The following CCDC148 variants were observed in gnomAD, a reference collection of about 807,000 sequenced individuals.
CCDC148 encodes coiled-coil domain-containing protein 148.
In CCDC148, 89 loss-of-function variants were observed where a neutral mutation model predicts 85.7. The ratio of observed to expected loss-of-function variants is 1.04; its 90% confidence interval spans 0.87 to 1.24. The LOEUF (loss-of-function observed/expected upper bound fraction) is 1.24. Ranked by LOEUF, CCDC148 falls within the 50% of genes most tolerant of loss-of-function variation. CCDC148 has a pLI of 0.00. For missense variants in CCDC148, 692 were observed against 671.7 expected, an observed-to-expected ratio of 1.03 and a Z score of -0.33; for synonymous variants, 230 against 213.9, an observed-to-expected ratio of 1.08 and a Z score of -0.66.
At chr2:158,360,292 G>A (rs537453629) in intron 1 of CCDC148, among the ~76,000 whole-genome samples, 7 of 152,210 alleles carry the variant, frequency 4.6e-5, no homozygotes, top group East Asian at 1.9e-4. Context: ...TCCTTGCAGC[G>A]GATCTCCAAG....
intron 1 of CCDC148, among the ~76,000 whole-genome samples, chr2:158,414,433 G>A (rs1405097945): frequency 6.6e-6 from 1 of 152,142 alleles, no homozygotes; most frequent in Admixed American, 6.5e-5. Flanking sequence ...ATTTTAGAGT[G>A]CTGAATTTGC....
intron 9 of CCDC148, among the ~76,000 whole-genome samples, chr2:158,279,492 G>C (rs1244149570): frequency 6.6e-6 from 1 of 152,216 alleles, no homozygotes; most frequent in Non-Finnish European, 1.5e-5. Context: ...GAAGCCTCAG[G>C]AGCCGATGTG....
intron 9 of CCDC148, among the ~76,000 whole-genome samples, chr2:158,279,732 T>C (rs1690168998): frequency 6.6e-6 from 1 of 152,048 alleles, no homozygotes; most frequent in Admixed American, 6.6e-5. Flanking sequence ...ACTTCCCCAA[T>C]CTAGCAAGGC....
chr2:158,437,664 A>G (rs1324192909), intron 1 of CCDC148, among the ~76,000 whole-genome samples: 1 of 152,172 alleles, frequency 6.6e-6, no homozygotes, highest in Non-Finnish European at 1.5e-5. Flanking sequence ...AGGGTATTCA[A>G]TTAGGAAAAG....
intron 8 of CCDC148, among the ~76,000 whole-genome samples, chr2:158,310,995 C>T (rs6752210): frequency 0.47 from 69,866 of 150,144 alleles, 16,750 homozygotes; most frequent in South Asian, 0.65. Flanking sequence ...CCAGACTGGG[C>T]GGCCGGGCAG....
chr2:158,226,833 A>G (rs1687564617), intron 10 of CCDC148, among the ~76,000 whole-genome samples: 1 of 152,048 alleles, frequency 6.6e-6, no homozygotes, highest in African/African-American at 2.4e-5. Context: ...TCTATGACAA[A>G]CCCACAGTCA....
At chr2:158,199,814 G>A (rs565944584) in intron 11 of CCDC148, among the ~76,000 whole-genome samples, 1 of 152,140 alleles carries the variant, frequency 6.6e-6, no homozygotes, top group Non-Finnish European at 1.5e-5. Context: ...AATAAAAAGG[G>A]TCAAATGATA....
rs967837580 is a variant in CCDC148 at position 158,366,798 on chromosome 2, T to A, written c.26-8228A>T. ...TCTCCCTTTCACAGGTAAAGATGCC[T>A]GCTAAACATCTTCCACTCCACGCTC... On this transcript the variant is annotated intron_variant, in intron 1 of 13. Coordinates refer to ENST00000283233, the MANE Select transcript of CCDC148 (RefSeq NM_138803.4). 2.0e-5 allele frequency among the ~76,000 whole-genome samples: 3 copies of A among 152,182 alleles called. No homozygotes were observed. The East Asian group carries it at 5.8e-4, about 29-fold the overall frequency.
At chr2:158,203,194 ACC>A (rs1686057622) in intron 11 of CCDC148, among the ~76,000 whole-genome samples, 1 of 152,144 alleles carries the variant, frequency 6.6e-6, no homozygotes, top group Non-Finnish European at 1.5e-5. Flanking sequence ...AAGCCACCTT[ACC>A]CACTGTCTGT....
chr2:158,224,711 T>C (rs1156395594), intron 10 of CCDC148, among the ~76,000 whole-genome samples: 1 of 152,142 alleles, frequency 6.6e-6, no homozygotes, highest in African/African-American at 2.4e-5. Flanking sequence ...CTAAGCTTCG[T>C]AAGTGAAGGA....
At position 158,438,838 on chromosome 2, in the gene CCDC148, A is replaced by C. The variant is rs1687795121; in HGVS notation, c.25+17577T>G. 3.3e-5 allele frequency among the ~76,000 whole-genome samples: 5 copies of C among 152,218 alleles called. No individual in the cohort carries two copies. In the South Asian group the frequency reaches 1.0e-3, roughly 31 times the overall value. On this transcript the variant is annotated intron_variant, in intron 1 of 13. Coordinates refer to ENST00000283233, the MANE Select transcript of CCDC148 (RefSeq NM_138803.4). ...AAGGATATGAACAGACACTTCTCAA[A>C]AGAAGACATTTATGCAGCCAACAGA...
At chr2:158,193,608 A>G (rs1685521620) in intron 11 of CCDC148, among the ~76,000 whole-genome samples, 1 of 152,086 alleles carries the variant, frequency 6.6e-6, no homozygotes, top group South Asian at 2.1e-4. Context: ...AGAATAAAAA[A>G]AGCCACAATA....
At chr2:158,450,157 G>A (rs957171101) in intron 1 of CCDC148, among the ~76,000 whole-genome samples, 3 of 152,106 alleles carry the variant, frequency 2.0e-5, no homozygotes, top group Admixed American at 1.3e-4. Context: ...CAGGCATCAC[G>A]GCTGAAGGAT....
At chr2:158,280,402 C>A (rs986303436) in intron 9 of CCDC148, among the ~76,000 whole-genome samples, 6 of 152,062 alleles carry the variant, frequency 3.9e-5, no homozygotes, top group African/African-American at 1.4e-4. Context: ...CAGAGACACA[C>A]ACAGGCTCAA....
chr2:158,227,682 A>G (rs1687621696), intron 10 of CCDC148, among the ~76,000 whole-genome samples: 1 of 152,318 alleles, frequency 6.6e-6, no homozygotes, highest in East Asian at 1.9e-4. Flanking sequence ...TCTTTGACAA[A>G]CCTGACAAAA....
chr2:158,373,669 T>C (rs1441596551), intron 1 of CCDC148, among the ~76,000 whole-genome samples: 1 of 152,038 alleles, frequency 6.6e-6, no homozygotes, highest in Non-Finnish European at 1.5e-5. Flanking sequence ...ATTAAACATC[T>C]ATCATACACT....
chr2:158,389,484 A>G lies in CCDC148; in HGVS notation c.26-30914T>C, dbSNP rs377479154. ...TGATCCCAGATCAATTTCAATTCTCAGTTCACATTCTCTTAAAAGAAGGGC... is the reference window on the plus strand; with the variant it reads ...TGATCCCAGATCAATTTCAATTCTCGGTTCACATTCTCTTAAAAGAAGGGC... On this transcript the variant is annotated intron_variant, in intron 1 of 13. Coordinates refer to ENST00000283233, the MANE Select transcript of CCDC148 (RefSeq NM_138803.4). Among the ~76,000 whole-genome samples the G allele has an allele frequency of 5.4e-4, 82 of 152,340 alleles. 1 individual carries two copies. Among genetic ancestry groups the G allele is most frequent in the East Asian group, 4.8e-3 (25 of 5,184 alleles).
chr2:158,281,976 C>T (rs997094483), intron 9 of CCDC148, among the ~76,000 whole-genome samples: 3 of 151,900 alleles, frequency 2.0e-5, no homozygotes, highest in African/African-American at 7.2e-5. Context: ...GTTCAATATA[C>T]ACAAATCAAT....
intron 1 of CCDC148, among the ~76,000 whole-genome samples, chr2:158,367,743 G>A (rs182419202): frequency 1.3e-5 from 2 of 152,206 alleles, no homozygotes; most frequent in Admixed American, 6.5e-5. Context: ...AAGACCAAGT[G>A]GAAATACTTC....
Sources: allele counts gnomAD v4.1 joint callset (sites outside exome capture counted in the v4.1 genomes callset), GRCh38; gene constraint gnomAD v4.1.1; transcripts MANE v1.5; gene names NCBI Gene and HGNC (gene_info 2026-07-23, HGNC 2026-07-21).